Variants in THSD4 observed in about 807,000 individuals in gnomAD.
THSD4 encodes the protein thrombospondin type-1 domain-containing protein 4.
In THSD4, 69 loss-of-function variants were observed where a neutral mutation model predicts 119.0. The observed-to-expected ratio is 0.58, with a 90% CI of 0.48 to 0.71. The LOEUF is 0.71. Ranked by LOEUF, THSD4 falls within the 30% of genes least tolerant of loss-of-function variation. The probability of loss-of-function intolerance (pLI) is 0.00; values close to 1 mark genes in which losing one functional copy is unlikely to be tolerated. For synonymous variants in THSD4, 524 were observed against 540.4 expected (o/e 0.97, Z 0.42); for missense variants, 1,393 against 1,391.1 (o/e 1.00, Z -0.02).
chr15:71,521,610 C>T (rs2048442175), intron 7 of THSD4, among the ~76,000 whole-genome samples: 1 of 152,172 alleles, frequency 6.6e-6, no homozygotes, highest in Admixed American at 6.5e-5. Context: ...ATGAACTTCT[C>T]TGCCAAATGG....
intron 7 of THSD4, among the ~76,000 whole-genome samples, chr15:71,608,245 T>TACACAC (rs1290956246): frequency 4.3e-4 from 33 of 77,564 alleles, no homozygotes; most frequent in African/African-American, 1.2e-3. Context: ...AAAATATATA[T>TACACAC]ATATACACAC....
rs558357674 is a variant in THSD4, at chr15:71,777,120, T to G, written c.2915-112T>G. 332 of 1,239,430 alleles carry G rather than the reference T, an allele frequency of 2.7e-4. 2 individuals carry two copies. In the African/African-American group the frequency reaches 4.5e-3, roughly 17 times the overall value. The allele number at this position is 1,239,430 out of a possible 1,614,324, so 76.8% of individuals were successfully genotyped here. A position where few individuals can be genotyped will look rare whatever the true frequency, so the allele number is the denominator to read the frequency against. On this transcript the variant is annotated intron_variant, in intron 17 of 17. Transcript: ENST00000261862. The stretch of plus-strand genomic sequence containing the variant: ...GGCACACATTCATACCCCACAATGG[T>G]AATAAACAGCAGCGCAGGAGTTAAA...
intron 7 of THSD4, among the ~76,000 whole-genome samples, chr15:71,501,436 T>G (rs1013542427): frequency 3.9e-5 from 6 of 152,200 alleles, no homozygotes; most frequent in African/African-American, 1.4e-4. Flanking sequence ...TTATCTGATT[T>G]CCAAGGCTGT....
At chr15:71,726,953 G>C (rs890111409) in intron 8 of THSD4, among the ~76,000 whole-genome samples, 2 of 151,458 alleles carry the variant, frequency 1.3e-5, no homozygotes, top group Admixed American at 1.3e-4. Flanking sequence ...AAAAAAAAAG[G>C]TACCTTCTCT....
chr15:71,686,481 G>A (rs1595863066), intron 8 of THSD4, among the ~76,000 whole-genome samples: 1 of 152,144 alleles, frequency 6.6e-6, no homozygotes, highest in Non-Finnish European at 1.5e-5. Context: ...TTTTGAGATG[G>A]CCAGAGCACT....
At chr15:71,588,242 C>T (rs1567050024) in intron 7 of THSD4, among the ~76,000 whole-genome samples, 1 of 147,988 alleles carries the variant, frequency 6.8e-6, no homozygotes, top group Non-Finnish European at 1.5e-5. Flanking sequence ...GGAGGCGGAG[C>T]TTGCAGTGAG....
At chr15:71,525,485 G>A (rs775817484) in intron 7 of THSD4, among the ~76,000 whole-genome samples, 2 of 152,222 alleles carry the variant, frequency 1.3e-5, no homozygotes, top group Admixed American at 1.3e-4. Context: ...CAGAGCCAGG[G>A]AGTGGGGGTG....
intron 6 of THSD4, among the ~76,000 whole-genome samples, chr15:71,373,139 A>G (rs994269564): frequency 1.3e-5 from 2 of 152,278 alleles, no homozygotes; most frequent in Non-Finnish European, 2.9e-5. Flanking sequence ...TAAATAGTTC[A>G]TAATTTCAGT....
chr15:71,318,056 C>G (rs764304234), intron 6 of THSD4, among the ~76,000 whole-genome samples: 1 of 152,100 alleles, frequency 6.6e-6, no homozygotes, highest in Non-Finnish European at 1.5e-5. Context: ...ACCCACCTAC[C>G]AGTGGCTTTT....
intron 8 of THSD4, among the ~76,000 whole-genome samples, chr15:71,716,469 TGCACTGTAGTACTACGCTAGAATC>T (rs2052609026): frequency 6.6e-6 from 1 of 152,164 alleles, no homozygotes; most frequent in African/African-American, 2.4e-5. Flanking sequence ...GCTGTAGGAT[TGCACTGTAGTACTACGCTAGAATC>T]GCACTGGAGT....
chr15:71,680,839 G>T (rs932164557), intron 8 of THSD4, among the ~76,000 whole-genome samples: 10 of 151,900 alleles, frequency 6.6e-5, no homozygotes, highest in African/African-American at 2.2e-4. Flanking sequence ...GTTAAATAAG[G>T]TAAAACAGGT....
intron 7 of THSD4, among the ~76,000 whole-genome samples, chr15:71,532,483 T>C (rs1427318491): frequency 1.3e-5 from 2 of 151,756 alleles, no homozygotes; most frequent in East Asian, 3.9e-4. Flanking sequence ...GCAATTTTTT[T>C]TTTTTGTATT....
chr15:71,700,351 T>C (rs1487096457), intron 8 of THSD4, among the ~76,000 whole-genome samples: 1 of 152,026 alleles, frequency 6.6e-6, no homozygotes, highest in African/African-American at 2.4e-5. Flanking sequence ...AAGAAAAATA[T>C]TAAATATTTA....
Position 71,647,467 on chromosome 15 carries a change from G to A in THSD4, c.1153-13063G>A, listed in dbSNP as rs149750675. On this transcript the variant is annotated intron_variant, in intron 7 of 17. Transcript: ENST00000261862. ...AATTTCTTCCTTCTGACAATGCATG[G>A]AACACAATGTCTTTATTTCCTAATG... Among the ~76,000 whole-genome samples the A allele has an allele frequency of 2.0e-3, 299 of 152,250 alleles. 1 individual carries two copies. The highest frequency in any genetic ancestry group is 6.9e-3 in the African/African-American group (287 of 41,556).
At position 71,780,739 on chromosome 15, in the gene THSD4, C is replaced by G. The variant is rs1457558405; in HGVS notation, c.*3365C>G. 8.8e-6 allele frequency: 4 copies of G among 455,550 alleles called. No homozygotes were observed. The highest frequency in any genetic ancestry group is 1.8e-5 in the Non-Finnish European group (4 of 226,588). The allele number at this position is 455,550 out of a possible 1,614,324, so 28.2% of individuals were successfully genotyped here. A position where few individuals can be genotyped will look rare whatever the true frequency, so the allele number is the denominator to read the frequency against. ...TGTCCCTTTACCTTACCTCTCTGGC[C>G]CAGAGTTCTTGGAGGGTTTTTTCTT... On this transcript the variant is annotated 3_prime_UTR_variant, in exon 18 of 18. Transcript: ENST00000261862.
intron 6 of THSD4, among the ~76,000 whole-genome samples, chr15:71,343,997 G>C (rs1025764965): frequency 3.3e-5 from 5 of 151,326 alleles, no homozygotes. Flanking sequence ...TGGGGTGGGG[G>C]TGGGGGTTAC....
chr15:71,293,202 GA>G (rs1567184068), intron 6 of THSD4, among the ~76,000 whole-genome samples: 1 of 152,194 alleles, frequency 6.6e-6, no homozygotes, highest in Non-Finnish European at 1.5e-5. Flanking sequence ...GTAGTTGGTT[GA>G]TGAGCTTTTC....
At chr15:71,658,135 C>G (rs1465535026) in intron 7 of THSD4, among the ~76,000 whole-genome samples, 2 of 152,170 alleles carry the variant, frequency 1.3e-5, no homozygotes, top group South Asian at 4.1e-4. Flanking sequence ...ATTGTTACCA[C>G]CGAAAAGCAA....
intron 6 of THSD4, among the ~76,000 whole-genome samples, chr15:71,375,153 C>T (rs529423566): frequency 1.3e-5 from 2 of 152,186 alleles, no homozygotes; most frequent in African/African-American, 4.8e-5. Flanking sequence ...CTGCCAGGGA[C>T]CGAGCACCAC....
Sources: gnomAD v4.1 joint callset for allele counts (sites outside exome capture counted in the v4.1 genomes callset) on GRCh38, gnomAD v4.1.1 for gene constraint, MANE v1.5 for transcripts, NCBI Gene and HGNC (gene_info 2026-07-23, HGNC 2026-07-21) for gene names.